The following FAM210A variants were observed in gnomAD, a reference collection of about 807,000 sequenced individuals.
FAM210A encodes the protein family with sequence similarity 210 member A.
FAM210A carries 13 observed loss-of-function variants against 25.3 expected under a neutral mutation model. That is an observed-to-expected ratio of 0.51 (90% CI 0.33 to 0.82). FAM210A has a LOEUF of 0.82. Ranked by LOEUF, FAM210A falls within the 40% of genes least tolerant of loss-of-function variation. The pLI, the probability that FAM210A is intolerant of heterozygous loss-of-function variation, is 0.02. For synonymous variants in FAM210A, 125 were observed against 118.7 expected, an observed-to-expected ratio of 1.05 and a Z score of -0.35; for missense variants, 319 against 323.2, an observed-to-expected ratio of 0.99 and a Z score of 0.10.
intron 1 of FAM210A, among the ~76,000 whole-genome samples, chr18:13,693,853 T>C (rs1389248102): frequency 6.6e-6 from 1 of 152,184 alleles, no homozygotes; most frequent in Non-Finnish European, 1.5e-5. Context: ...ACCACTCCTA[T>C]TCAGCATAGT....
chr18:13,688,423 C>T (rs1396018114), intron 1 of FAM210A, among the ~76,000 whole-genome samples: 3 of 151,862 alleles, frequency 2.0e-5, no homozygotes, highest in Admixed American at 6.6e-5. Flanking sequence ...AGAGAGGCAC[C>T]TTGACTTCAG....
intron 1 of FAM210A, among the ~76,000 whole-genome samples, 175 bp downstream of exon 1, chr18:13,726,154 G>A (rs2043945673): frequency 6.6e-6 from 1 of 152,072 alleles, no homozygotes; most frequent in South Asian, 2.1e-4. Flanking sequence ...GGTCTGTGGG[G>A]TCGGCGAGTG....
rs572467706 is a variant in FAM210A at position 13,705,692 on chromosome 18, G to A, written c.-29+20637C>T. On this transcript the variant is annotated intron_variant, in intron 1 of 3. Coordinates refer to ENST00000651643, the MANE Select transcript of FAM210A (RefSeq NM_152352.4). ...TCACCATGTTGGCCAGGATGGTTTC[G>A]AACTCCTGACCTCAGGTGATCCTCC... is the stretch of plus-strand genomic sequence containing the variant. 5.3e-5 allele frequency among the ~76,000 whole-genome samples: 8 copies of A among 152,214 alleles called. No individual in the cohort carries two copies. The South Asian group carries it at 1.5e-3, about 28-fold the overall frequency.
At chr18:13,667,440 T>C (rs902662283) in intron 3 of FAM210A, among the ~76,000 whole-genome samples, 6 of 152,176 alleles carry the variant, frequency 3.9e-5, no homozygotes, top group African/African-American at 1.4e-4. Context: ...AAAATCAGGT[T>C]GGGTGCAGTG....
rs1239375799 is a variant in FAM210A, at chr18:13,673,703, T to C, written c.474-1730A>G. ...TTCCTGAGCCGTGACTTATTTCCAGTTTCCTGATTATTAACATTCCTGAGC... is the reference window on the plus strand; with the variant it reads ...TTCCTGAGCCGTGACTTATTTCCAGCTTCCTGATTATTAACATTCCTGAGC... On this transcript the variant is annotated intron_variant, in intron 2 of 3. Coordinates refer to ENST00000651643, the MANE Select transcript of FAM210A (RefSeq NM_152352.4). Among the ~76,000 whole-genome samples, 37 of 150,280 alleles carry C rather than the reference T, an allele frequency of 2.5e-4. 2 individuals are homozygous for C. The highest frequency in any genetic ancestry group is 8.3e-4 in the African/African-American group (34 of 40,892).
chr18:13,725,778 G>C (rs187343497), intron 1 of FAM210A, among the ~76,000 whole-genome samples: 27 of 152,274 alleles, frequency 1.8e-4, no homozygotes, highest in Admixed American at 1.6e-3. Flanking sequence ...CAAAAAAAGT[G>C]TGTTGTCTCC....
chr18:13,708,317 G>A (rs765468523), intron 1 of FAM210A, among the ~76,000 whole-genome samples: 10 of 152,244 alleles, frequency 6.6e-5, no homozygotes, highest in Non-Finnish European at 1.3e-4. Context: ...CTCTCTGGGT[G>A]TGCCACCCTT....
At chr18:13,688,540 T>C (rs1045486428) in intron 1 of FAM210A, among the ~76,000 whole-genome samples, 1 of 152,202 alleles carries the variant, frequency 6.6e-6, no homozygotes, top group African/African-American at 2.4e-5. Flanking sequence ...CTCAATAAAA[T>C]TCTCCATATT....
At chr18:13,715,452 G>A (rs1234306866) in intron 1 of FAM210A, 1 of 152,162 alleles carries the variant, frequency 6.6e-6, no homozygotes, top group East Asian at 1.9e-4. Context: ...CAGAATAGTG[G>A]AGACAGGATT....
intron 2 of FAM210A, among the ~76,000 whole-genome samples, chr18:13,678,366 G>A (rs2043522252): frequency 6.6e-6 from 1 of 151,892 alleles, no homozygotes; most frequent in South Asian, 2.1e-4. Context: ...TGCCTCCTGG[G>A]TTCAAGCGAT....
At chr18:13,719,151 C>G (rs1371011247) in intron 1 of FAM210A, among the ~76,000 whole-genome samples, 1 of 152,170 alleles carries the variant, frequency 6.6e-6, no homozygotes, top group East Asian at 1.9e-4. Flanking sequence ...ATTCATTTGG[C>G]AAACACTACA....
chr18:13,669,122 G>GT (rs2149050646), intron 3 of FAM210A, among the ~76,000 whole-genome samples: 1 of 152,178 alleles, frequency 6.6e-6, no homozygotes, highest in Non-Finnish European at 1.5e-5. Context: ...TCTTTAAAAC[G>GT]TATCGAGAAT....
At chr18:13,719,292 A>G (rs1010923) in intron 1 of FAM210A, among the ~76,000 whole-genome samples, 135,335 of 152,198 alleles carry the variant, frequency 0.89, 60,248 homozygotes, top group East Asian at 0.97. Flanking sequence ...TCATGCTTAC[A>G]TTAAAAATCA....
intron 1 of FAM210A, among the ~76,000 whole-genome samples, chr18:13,711,398 A>AC (rs993536575): frequency 1.1e-4 from 17 of 151,372 alleles, no homozygotes; most frequent in Admixed American, 7.2e-4. Context: ...ACAAAAAACA[A>AC]CCCCCCCAAT....
At chr18:13,722,215 G>C (rs1434655403) in intron 1 of FAM210A, among the ~76,000 whole-genome samples, 4 of 151,764 alleles carry the variant, frequency 2.6e-5, no homozygotes, top group African/African-American at 9.7e-5. Context: ...AAGTCAGGCT[G>C]TTCAGATTGT....
At position 13,698,351 on chromosome 18, in the gene FAM210A, C is replaced by CAAAA. The variant is rs11464991; in HGVS notation, c.-28-16250_-28-16247dup. 7.0e-3 allele frequency among the ~76,000 whole-genome samples: 506 copies of CAAAA among 72,620 alleles called. 14 individuals are homozygous for CAAAA. The highest frequency in any genetic ancestry group is 0.023 in the African/African-American group (418 of 18,198). The allele number at this position is 72,620 out of a possible 152,430, so 47.6% of individuals were successfully genotyped here. A position where few individuals can be genotyped will look rare whatever the true frequency, so the allele number is the denominator to read the frequency against. ...TGGGTGACAGAGTGAGACTCCATCT[C>CAAAA]AAAAAAAAAAAAAAAAAAAAATAAG... On this transcript the variant is annotated intron_variant, in intron 1 of 3. Transcript: ENST00000651643.
At chr18:13,680,927 C>T (rs1014278242) in intron 2 of FAM210A, among the ~76,000 whole-genome samples, 1 of 152,166 alleles carries the variant, frequency 6.6e-6, no homozygotes, top group South Asian at 2.1e-4. Flanking sequence ...TGTTTCAAAA[C>T]ACTGGGAGGC....
At chr18:13,701,543 TAA>T (rs2043740209) in intron 1 of FAM210A, among the ~76,000 whole-genome samples, 1 of 152,202 alleles carries the variant, frequency 6.6e-6, no homozygotes, top group African/African-American at 2.4e-5. Context: ...AATCATTGGC[TAA>T]GTTAATCAAG....
chr18:13,687,113 ACTTAAAGGTATATTTAAGAATCAG>A (rs2043604712), intron 1 of FAM210A, among the ~76,000 whole-genome samples: 1 of 152,358 alleles, frequency 6.6e-6, no homozygotes, highest in South Asian at 2.1e-4. Context: ...CTAAGAATCA[ACTTAAAGGTATATTTAAGAATCAG>A]CTGGGAATAA....
Sources: allele counts gnomAD v4.1 joint callset (sites outside exome capture counted in the v4.1 genomes callset), GRCh38; gene constraint gnomAD v4.1.1; transcripts MANE v1.5; gene names NCBI Gene and HGNC (gene_info 2026-07-23, HGNC 2026-07-21).